Variants in R3HDM1 observed in about 807,000 individuals in gnomAD.
The protein encoded by R3HDM1 is R3H domain-containing protein 1.
In R3HDM1, 46 loss-of-function variants were observed where a neutral mutation model predicts 141.1. The observed-to-expected ratio is 0.33, with a 90% CI of 0.26 to 0.42. R3HDM1 has a LOEUF of 0.42. Among genes scored for constraint, R3HDM1 ranks in the 10% least tolerant of loss-of-function variants. R3HDM1 has a pLI of 1.00. For missense variants in R3HDM1, 1,184 were observed against 1,368.3 expected (o/e 0.87, Z 2.12); for synonymous variants, 435 against 472.9 (o/e 0.92, Z 1.04).
intron 1 of R3HDM1, among the ~76,000 whole-genome samples, chr2:135,588,390 C>G (rs1708433591): frequency 6.6e-6 from 1 of 152,058 alleles, no homozygotes; most frequent in Non-Finnish European, 1.5e-5. Flanking sequence ...CTTTCCCACC[C>G]TACTCCCAGA....
chr2:135,531,596 G>C lies in R3HDM1; in HGVS notation c.-287G>C, dbSNP rs1694692491. On this transcript the variant is annotated 5_prime_UTR_variant, in exon 1 of 27. Transcript: ENST00000683871. ...CCCAGCCCCGCCGTCGCCCCGCCGC[G>C]CCGCGCTCCAACCGCCTCCTCCTCC... 5 of 986,778 alleles carry C rather than the reference G, an allele frequency of 5.1e-6. No individual in the cohort carries two copies. The highest frequency in any genetic ancestry group is 6.0e-6 in the Non-Finnish European group (5 of 830,688). 61.1% of individuals were successfully genotyped at this position (986,778 alleles called of 1,614,324 possible). A position where few individuals can be genotyped will look rare whatever the true frequency, so the allele number is the denominator to read the frequency against.
chr2:135,626,577 C>A (rs1450075193), intron 7 of R3HDM1, among the ~76,000 whole-genome samples: 2 of 152,088 alleles, frequency 1.3e-5, no homozygotes, highest in African/African-American at 4.8e-5. Flanking sequence ...CAGCAAGGAA[C>A]AAAGATTATA....
rs1291862689 is a variant in R3HDM1 at position 135,537,357 on chromosome 2, C to A, written c.-250+5724C>A. ...CTGGAGTGCAGTGGCGCAATCTCGG[C>A]CTACTGCAACCTCCACCTCCCAGGT... On this transcript the variant is annotated intron_variant, in intron 1 of 26. Transcript: ENST00000683871. Among the ~76,000 whole-genome samples the A allele has an allele frequency of 3.5e-5, 5 of 141,582 alleles. No individual in the cohort carries two copies. In the South Asian group the frequency reaches 8.7e-4, roughly 25 times the overall value. 92.9% of individuals were successfully genotyped at this position (141,582 alleles called of 152,430 possible).
chr2:135,696,733 C>T (rs2073307927), intron 21 of R3HDM1, among the ~76,000 whole-genome samples: 1 of 152,192 alleles, frequency 6.6e-6, no homozygotes, highest in Non-Finnish European at 1.5e-5. Flanking sequence ...TCAAGCAATC[C>T]TCCCACCTCA....
At chr2:135,709,261 C>G (rs6735935) in intron 21 of R3HDM1, among the ~76,000 whole-genome samples, 172 bp from the exon 22 acceptor site, 18,525 of 152,096 alleles carry the variant, frequency 0.12, 2,883 homozygotes, top group African/African-American at 0.36. Context: ...TTTTAGTAGA[C>G]ATGGGGTTTC....
At chr2:135,621,791 G>C (rs1244390873) in intron 6 of R3HDM1, 183 bp downstream of exon 6, 1 of 963,490 alleles carries the variant, frequency 1.0e-6, no homozygotes, top group Non-Finnish European at 1.2e-6. Context: ...ATATCAGTAA[G>C]ACGTTTCAGC....
chr2:135,631,812 C>T (rs1255886711), intron 8 of R3HDM1, 35 bp downstream of exon 8: 1 of 1,571,374 alleles, frequency 6.4e-7, no homozygotes, highest in Non-Finnish European at 8.6e-7. Context: ...AAGAAATTGT[C>T]ATCACCATTC....
At chr2:135,662,913 G>A (rs1472062223) in intron 19 of R3HDM1, among the ~76,000 whole-genome samples, 2 of 151,844 alleles carry the variant, frequency 1.3e-5, no homozygotes, top group Non-Finnish European at 2.9e-5. Flanking sequence ...GTACCTTCAT[G>A]CTACTCATTT....
chr2:135,616,041 C>T (rs1395972224), intron 3 of R3HDM1, 111 bp from the exon 4 acceptor site: 2 of 1,026,552 alleles, frequency 1.9e-6, no homozygotes, highest in African/African-American at 1.6e-5. Flanking sequence ...GATTTCCTCA[C>T]TTTTCATACT....
intron 1 of R3HDM1, among the ~76,000 whole-genome samples, chr2:135,600,225 C>A (rs2059519478): frequency 6.7e-6 from 1 of 149,950 alleles, no homozygotes; most frequent in African/African-American, 2.5e-5. Flanking sequence ...AGATTACAGG[C>A]CTGAGCCACT....
intron 1 of R3HDM1, among the ~76,000 whole-genome samples, chr2:135,582,279 C>T (rs867704750): frequency 1.3e-5 from 2 of 151,988 alleles, no homozygotes; most frequent in Admixed American, 1.3e-4. Flanking sequence ...TGCAGTGAGC[C>T]GAGATTGCAC....
At chr2:135,649,783 A>T in intron 16 of R3HDM1, 119 bp from the exon 17 acceptor site, 1 of 409,912 alleles carries the variant, frequency 2.4e-6, no homozygotes, top group Non-Finnish European at 3.6e-6. Context: ...GTTATATTTT[A>T]AATGACTTTA....
intron 1 of R3HDM1, chr2:135,584,185 A>G: frequency 1.7e-6 from 1 of 586,986 alleles, no homozygotes; most frequent in Non-Finnish European, 2.1e-6. Flanking sequence ...AATATTAACC[A>G]GTTGTGGTGG....
chr2:135,537,573 A>G (rs1696472942), intron 1 of R3HDM1, among the ~76,000 whole-genome samples: 1 of 151,512 alleles, frequency 6.6e-6, no homozygotes, highest in African/African-American at 2.4e-5. Context: ...GGCGTGAGCC[A>G]CCATGCCCAG....
chr2:135,634,513 A>G (rs1014771331), intron 9 of R3HDM1, among the ~76,000 whole-genome samples: 2 of 151,932 alleles, frequency 1.3e-5, no homozygotes, highest in African/African-American at 4.8e-5. Flanking sequence ...GCATGGTGGC[A>G]CCCTCCTGTA....
rs557994552 is a variant in R3HDM1 at position 135,712,865 on chromosome 2, G to A, written c.2736+2634G>A. 8.6e-5 allele frequency among the ~76,000 whole-genome samples: 13 copies of A among 151,892 alleles called. No homozygotes were observed. The East Asian group carries it at 2.1e-3, about 25-fold the overall frequency. ...GAACCTGGGAGGCGGAGCTTGCAGT[G>A]AGCCAAGATCGCCCCACTGCACTCC... is the stretch of plus-strand genomic sequence containing the variant. On this transcript the variant is annotated intron_variant, in intron 23 of 26. Coordinates refer to ENST00000683871, the MANE Select transcript of R3HDM1 (RefSeq NM_001378107.1).
intron 7 of R3HDM1, among the ~76,000 whole-genome samples, chr2:135,631,422 A>G (rs910938979): frequency 1.3e-5 from 2 of 151,950 alleles, no homozygotes; most frequent in Admixed American, 6.6e-5. Context: ...AAAAAAATGC[A>G]TTTAAGAATA....
chr2:135,535,887 C>T (rs1695995466), intron 1 of R3HDM1, among the ~76,000 whole-genome samples: 1 of 152,054 alleles, frequency 6.6e-6, no homozygotes, highest in African/African-American at 2.4e-5. Flanking sequence ...AGTTTTGTAC[C>T]TTATTTTCCA....
chr2:135,549,597 G>T lies in R3HDM1; in HGVS notation c.-250+17964G>T, dbSNP rs527360264. 2.4e-3 allele frequency among the ~76,000 whole-genome samples: 358 copies of T among 151,328 alleles called. 1 individual carries two copies. The highest frequency in any genetic ancestry group is 8.2e-3 in the African/African-American group (338 of 41,042). On this transcript the variant is annotated intron_variant, in intron 1 of 26. Transcript: ENST00000683871. Reference sequence around the variant, plus strand: ...AAAAAAAAAACAAAAACAAAATGGGGTCTTGCTATATTGCTGAGGCTGAAC... The same window carrying T: ...AAAAAAAAAACAAAAACAAAATGGGTTCTTGCTATATTGCTGAGGCTGAAC...
Sources: allele counts gnomAD v4.1 joint callset (sites outside exome capture counted in the v4.1 genomes callset), GRCh38; gene constraint gnomAD v4.1.1; transcripts MANE v1.5; gene names NCBI Gene and HGNC (gene_info 2026-07-23, HGNC 2026-07-21).